Variants in SLC45A2 observed in about 807,000 individuals in gnomAD.
SLC45A2 encodes the protein membrane-associated transporter protein.
In SLC45A2, 36 loss-of-function variants were observed where a neutral mutation model predicts 45.5. That is an observed-to-expected ratio of 0.79 (90% confidence interval 0.61 to 1.04). The LOEUF (loss-of-function observed/expected upper bound fraction) is 1.04, where lower values mean the gene tolerates loss of function less well. Among genes scored for constraint, SLC45A2 ranks in the 50% least tolerant of loss-of-function variants. The pLI is 0.00. For synonymous variants in SLC45A2, 306 were observed against 269.3 expected (o/e 1.14, Z -1.33); for missense variants, 719 against 671.0 (o/e 1.07, Z -0.79).
At chr5:33,976,198 G>A (rs1236884039) in intron 2 of SLC45A2, among the ~76,000 whole-genome samples, 1 of 152,154 alleles carries the variant, frequency 6.6e-6, no homozygotes, top group Non-Finnish European at 1.5e-5. Flanking sequence ...ATAGGGAAGG[G>A]GCCGAGAACA....
At chr5:33,971,483 G>T in intron 2 of SLC45A2, 1 of 379,380 alleles carries the variant, frequency 2.6e-6, no homozygotes, top group Non-Finnish European at 5.1e-6. Context: ...CTATTGTCCA[G>T]GCTGGAGTGC....
rs945725856 is a variant in SLC45A2, at chr5:33,946,593, C to T, written c.1368+570G>A. On this transcript the variant is annotated intron_variant, in intron 6 of 6. Transcript: ENST00000296589. ...TCCAAGGTTTAAATGGCACAGGTCCCGCTCAGGGCAGCAAAGTGGGGATTA... is the reference window on the plus strand; with the variant it reads ...TCCAAGGTTTAAATGGCACAGGTCCTGCTCAGGGCAGCAAAGTGGGGATTA... 1.4e-5 allele frequency: 14 copies of T among 996,578 alleles called. No individual in the cohort carries two copies. In the South Asian group the frequency reaches 1.8e-4, roughly 13 times the overall value. The allele number at this position is 996,578 out of a possible 1,614,324, so 61.7% of individuals were successfully genotyped here.
rs558878614 is a variant in SLC45A2, at chr5:33,960,074, C to T, written c.888+3617G>A. On this transcript the variant is annotated intron_variant, in intron 3 of 6. Coordinates refer to ENST00000296589, the MANE Select transcript of SLC45A2 (RefSeq NM_016180.5). ...GCTTAGCTAAATGTAATGTGGTATC[C>T]TAGATTGGATCAGAAAAAGGATATT... Among the ~76,000 whole-genome samples the T allele has an allele frequency of 3.9e-5, 6 of 152,072 alleles. No individual in the cohort carries two copies. In the South Asian group the frequency reaches 1.2e-3, roughly 32 times the overall value.
At chr5:33,971,439 C>CA (rs1752774198) in intron 2 of SLC45A2, 2 of 424,894 alleles carry the variant, frequency 4.7e-6, no homozygotes, top group Non-Finnish European at 9.0e-6. Context: ...AACTTTTTTC[C>CA]TTTTTTTTTG....
At chr5:33,947,026 A>G (rs1751950105) in intron 6 of SLC45A2, 137 bp downstream of exon 6, 1 of 1,600,174 alleles carries the variant, frequency 6.2e-7, no homozygotes. Flanking sequence ...TCATGGTTGC[A>G]GTTGGTTGGG....
intron 3 of SLC45A2, 127 bp downstream of exon 3, chr5:33,963,564 T>G: frequency 9.6e-7 from 1 of 1,042,484 alleles, no homozygotes; most frequent in Non-Finnish European, 1.5e-6. Context: ...ACGGGGGATT[T>G]GGGAATTCAG....
At chr5:33,951,708 C>A in intron 4 of SLC45A2, 31 bp from the exon 5 acceptor site, 1 of 1,614,066 alleles carries the variant, frequency 6.2e-7, no homozygotes, top group South Asian at 1.1e-5. Flanking sequence ...TGTTGAGGTA[C>A]AAATGCAATG....
chr5:33,958,038 T>C (rs1752330023), intron 3 of SLC45A2, among the ~76,000 whole-genome samples: 1 of 152,156 alleles, frequency 6.6e-6, no homozygotes, highest in South Asian at 2.1e-4. Context: ...TCTGAAACCT[T>C]GGGAGTTGTT....
At chr5:33,951,241 C>T (rs374153903) in intron 5 of SLC45A2, among the ~76,000 whole-genome samples, 10 of 152,308 alleles carry the variant, frequency 6.6e-5, no homozygotes, top group East Asian at 3.9e-4. Flanking sequence ...TCCAGTAGAA[C>T]ACGAACCTGC....
chr5:33,945,871 A>G (rs1275925938), intron 6 of SLC45A2: 3 of 763,614 alleles, frequency 3.9e-6, no homozygotes, highest in Non-Finnish European at 4.8e-6. Flanking sequence ...ACAGATTTAC[A>G]TTTGCTTGGT....
At chr5:33,954,143 T>C (rs1051965668) in intron 4 of SLC45A2, among the ~76,000 whole-genome samples, 1 of 152,190 alleles carries the variant, frequency 6.6e-6, no homozygotes, top group Non-Finnish European at 1.5e-5. Flanking sequence ...CAACTATTTG[T>C]TGTATTTGAT....
Position 33,954,363 on chromosome 5 carries a change from G to A in SLC45A2, c.1030C>T (p.Gln344Ter). 1 of 1,614,006 alleles carries A rather than the reference G, an allele frequency of 6.2e-7. No individual in the cohort carries two copies. Among genetic ancestry groups the A allele is most frequent in the East Asian group, 2.2e-5 (1 of 44,886 alleles). The change falls in exon 4 of 7, where the codon CAG becomes TAG. Residue 344 changes from glutamine to a stop codon, truncating the protein, a stop_gained and splice_region_variant. Coordinates refer to ENST00000296589, the MANE Select transcript of SLC45A2 (RefSeq NM_016180.5). LOFTEE classifies it high-confidence loss of function. The stretch of plus-strand genomic sequence containing the variant: ...GTGTGCACAGACACGTTCATTACCT[G>A]GCCCATGAAATCTGTGAAGAACAGC... ...NMLFFTDFMG[Q>*]IVYRGDPYSA... is the part of the protein sequence containing the mutation.
intron 3 of SLC45A2, among the ~76,000 whole-genome samples, chr5:33,956,104 G>C (rs926293265): frequency 6.6e-6 from 1 of 152,106 alleles, no homozygotes; most frequent in East Asian, 1.9e-4. Flanking sequence ...AATTGAAGAG[G>C]ACTGACAATT....
intron 5 of SLC45A2, among the ~76,000 whole-genome samples, chr5:33,949,360 A>T (rs1242868082): frequency 6.6e-6 from 1 of 152,256 alleles, no homozygotes; most frequent in African/African-American, 2.4e-5. Flanking sequence ...GAATGATTTC[A>T]CTGAGGAAGT....
Position 33,984,291 on chromosome 5 carries a change from C to T in SLC45A2, c.293G>A (p.Arg98Lys). Residue 98 changes from arginine (R) to lysine (K), a missense_variant, in exon 1 of 7, where the codon AGG becomes AAG. Coordinates refer to ENST00000296589, the MANE Select transcript of SLC45A2 (RefSeq NM_016180.5). ...VGSASDHCRSRWGRRRPYILT... is the reference protein window; with the variant it reads ...VGSASDHCRSKWGRRRPYILT... Reference sequence around the variant, plus strand: ...GATGTAGGGTCTCCGGCGGCCCCACCTGGACCGGCAGTGGTCGCTGGCCGA... The same window carrying T: ...GATGTAGGGTCTCCGGCGGCCCCACTTGGACCGGCAGTGGTCGCTGGCCGA... The T allele has an allele frequency of 6.2e-7, 1 of 1,614,204 alleles. No individual in the cohort carries two copies. The highest frequency in any genetic ancestry group is 8.5e-7 in the Non-Finnish European group (1 of 1,180,042).
chr5:33,947,236 C>G lies in SLC45A2; in HGVS notation c.1295G>C (p.Gly432Ala), dbSNP rs1211363704. 2.5e-6 allele frequency: 4 copies of G among 1,614,106 alleles called. No individual in the cohort carries two copies. Among genetic ancestry groups the G allele is most frequent in the African/African-American group, 1.3e-5 (1 of 74,928 alleles). Residue 432 changes from glycine (G) to alanine (A), a missense_variant, in exon 6 of 7, where the codon GGT becomes GCT. By Grantham distance (60) the Gly-to-Ala change is moderately conservative. Coordinates refer to ENST00000296589, the MANE Select transcript of SLC45A2 (RefSeq NM_016180.5). ...AGTGTACAGGGTGCTGGACATTACA[C>G]CAAACAGGCTGCACAGGACCAGGGT... ...YSTLVLCSLF[G>A]VMSSTLYTVP... is the part of the protein sequence containing the mutation.
chr5:33,952,644 A>G (rs1752145311), intron 4 of SLC45A2, among the ~76,000 whole-genome samples: 1 of 150,498 alleles, frequency 6.6e-6, no homozygotes, highest in Admixed American at 6.6e-5. Flanking sequence ...TACAGGCCGG[A>G]GCTAACAAGT....
chr5:33,982,557 T>G lies in SLC45A2; in HGVS notation c.386-145A>C. 3 of 823,120 alleles carry G rather than the reference T, an allele frequency of 3.6e-6. No individual in the cohort carries two copies. In the East Asian group the frequency reaches 8.1e-5, roughly 22 times the overall value. 51.0% of individuals were successfully genotyped at this position (823,120 alleles called of 1,614,324 possible). Reference sequence around the variant, plus strand: ...CAAATAAAAATAGCTTTACATTTTTTTTCAGGTTTTAAAAATTATGCAAGC... The same window carrying G: ...CAAATAAAAATAGCTTTACATTTTTGTTCAGGTTTTAAAAATTATGCAAGC... On this transcript the variant is annotated intron_variant, in intron 1 of 6. Transcript: ENST00000296589.
At position 33,974,723 on chromosome 5, in the gene SLC45A2, A is replaced by T. The variant is rs559651746; in HGVS notation, c.562+7513T>A. Among the ~76,000 whole-genome samples, 3 of 152,332 alleles carry T rather than the reference A, an allele frequency of 2.0e-5. No individual in the cohort carries two copies. The South Asian group carries it at 6.2e-4, about 32-fold the overall frequency. ...ATGCAGTTTTTCATTCAGAGTGAGGATACCACAGTGGGATCACATATCCCA... is the reference window on the plus strand; with the variant it reads ...ATGCAGTTTTTCATTCAGAGTGAGGTTACCACAGTGGGATCACATATCCCA... On this transcript the variant is annotated intron_variant, in intron 2 of 6. Coordinates refer to ENST00000296589, the MANE Select transcript of SLC45A2 (RefSeq NM_016180.5).
Sources: allele counts gnomAD v4.1 joint callset (sites outside exome capture counted in the v4.1 genomes callset), GRCh38; gene constraint gnomAD v4.1.1; transcripts MANE v1.5; gene names NCBI Gene and HGNC (gene_info 2026-07-23, HGNC 2026-07-21).